ATP9B: variants seen among roughly 807,000 people sequenced by gnomAD.
ATP9B encodes probable phospholipid-transporting ATPase IIB.
ATP9B carries 110 observed loss-of-function variants against 146.1 expected under a neutral mutation model. That is an observed-to-expected ratio of 0.75 (90% confidence interval 0.65 to 0.88). The LOEUF (loss-of-function observed/expected upper bound fraction) is 0.88. Ranked by LOEUF, ATP9B falls within the 40% of genes least tolerant of loss-of-function variation. ATP9B has a pLI of 0.00. For synonymous variants in ATP9B, 604 were observed against 569.7 expected, an observed-to-expected ratio of 1.06 and a Z score of -0.86; for missense variants, 1,499 against 1,496.4, an observed-to-expected ratio of 1.00 and a Z score of -0.03.
At chr18:79,335,077 C>T (rs1280026994) in intron 17 of ATP9B, among the ~76,000 whole-genome samples, 1 of 151,908 alleles carries the variant, frequency 6.6e-6, no homozygotes, top group African/African-American at 2.4e-5. Flanking sequence ...TTTCACTTTG[C>T]ACACAAGGAA....
intron 6 of ATP9B, among the ~76,000 whole-genome samples, chr18:79,152,529 T>C (rs1274254553): frequency 6.6e-6 from 1 of 152,244 alleles, no homozygotes; most frequent in African/African-American, 2.4e-5. Context: ...TTAAGGTTAG[T>C]TTTTTAAGAC....
At chr18:79,326,650 T>C (rs2096748889) in intron 15 of ATP9B, among the ~76,000 whole-genome samples, 1 of 152,230 alleles carries the variant, frequency 6.6e-6, no homozygotes, top group Admixed American at 6.5e-5. Context: ...TGCCCTGCTG[T>C]GTCAAGTTCA....
intron 11 of ATP9B, among the ~76,000 whole-genome samples, chr18:79,242,427 T>C (rs1274597426): frequency 6.6e-6 from 1 of 152,236 alleles, no homozygotes; most frequent in Non-Finnish European, 1.5e-5. Context: ...TCAAATAGTT[T>C]ACAAAATGAA....
Position 79,214,004 on chromosome 18 carries a change from G to A in ATP9B, c.1073G>A (p.Arg358Gln), listed in dbSNP as rs200396916. Residue 358 changes from arginine (R) to glutamine (Q), a missense_variant, in exon 11 of 30, where the codon CGA becomes CAA. Physicochemically the swap from Arg to Gln is conservative, Grantham distance 43. Transcript: ENST00000426216. Reference sequence around the variant, plus strand: ...GTCATTTATACCGGAAAAGAGACTCGAAGTGTAATGAACACATCCAATCCA... The same window carrying A: ...GTCATTTATACCGGAAAAGAGACTCAAAGTGTAATGAACACATCCAATCCA... ...GVVIYTGKETRSVMNTSNPKN... is the reference protein window; with the variant it reads ...GVVIYTGKETQSVMNTSNPKN... 47 of 1,605,856 alleles carry A rather than the reference G, an allele frequency of 2.9e-5. No homozygotes were observed. The East Asian group carries it at 8.1e-4, about 28-fold the overall frequency.
intron 11 of ATP9B, among the ~76,000 whole-genome samples, chr18:79,249,431 C>G (rs1253680487): frequency 1.3e-5 from 2 of 152,090 alleles, no homozygotes; most frequent in African/African-American, 4.8e-5. Flanking sequence ...AGAAAATTTG[C>G]TTTACTAATA....
intron 10 of ATP9B, among the ~76,000 whole-genome samples, chr18:79,208,711 A>T (rs895965450): frequency 1.3e-5 from 2 of 152,160 alleles, no homozygotes; most frequent in African/African-American, 4.8e-5. Flanking sequence ...AATTACATCT[A>T]TATATAAATG....
rs200431802 is a variant in ATP9B at position 79,126,315 on chromosome 18, C to T, written c.607C>T (p.Arg203Trp). 1.7e-4 allele frequency: 273 copies of T among 1,611,658 alleles called. 1 individual carries two copies. The East Asian group carries it at 4.5e-3, about 27-fold the overall frequency. ...TMTREAIDEF[R>W]RFQRDKEVNS... is the part of the protein sequence containing the mutation. ...GACACGGGAAGCAATTGATGAATTT[C>T]GGCGTTTTCAGCGTGACAAGGAAGT... The change falls in exon 5 of 30, where the codon CGG becomes TGG. Residue 203 changes from arginine to tryptophan, a missense_variant. Transcript: ENST00000426216.
At chr18:79,085,831 C>T (rs562039800) in intron 1 of ATP9B, 3 of 152,226 alleles carry the variant, frequency 2.0e-5, no homozygotes, top group African/African-American at 4.8e-5. Flanking sequence ...GAACAGATGT[C>T]TACTGTCTGA....
intron 20 of ATP9B, 52 bp from the exon 21 acceptor site, chr18:79,344,213 C>T: frequency 6.6e-7 from 1 of 1,510,082 alleles, no homozygotes. Context: ...TTCTCTGTGC[C>T]TGTAACTTAG....
intron 2 of ATP9B, among the ~76,000 whole-genome samples, chr18:79,100,735 G>A (rs1418882802): frequency 1.3e-5 from 2 of 152,194 alleles, no homozygotes; most frequent in South Asian, 2.1e-4. Flanking sequence ...AAGAGGTTCA[G>A]TTAGACTCAC....
chr18:79,118,401 T>TTG (rs1568213586), intron 4 of ATP9B, among the ~76,000 whole-genome samples: 12 of 130,174 alleles, frequency 9.2e-5, no homozygotes, highest in Non-Finnish European at 1.5e-4. Context: ...TTTTTTTTTT[T>TTG]TTTTTTTTTT....
chr18:79,289,784 G>T (rs1204153081), intron 13 of ATP9B, among the ~76,000 whole-genome samples: 1 of 152,178 alleles, frequency 6.6e-6, no homozygotes, highest in Non-Finnish European at 1.5e-5. Flanking sequence ...GTACAGATTA[G>T]TTTTTGGTGT....
chr18:79,240,719 C>G (rs1206257939), intron 11 of ATP9B, among the ~76,000 whole-genome samples: 1 of 152,242 alleles, frequency 6.6e-6, no homozygotes, highest in Non-Finnish European at 1.5e-5. Context: ...TTACTGCAAC[C>G]TGGGCAACAA....
At chr18:79,213,397 C>A (rs1000513314) in intron 10 of ATP9B, among the ~76,000 whole-genome samples, 6 of 151,874 alleles carry the variant, frequency 4.0e-5, no homozygotes, top group Non-Finnish European at 8.8e-5. Context: ...ATCTTTTTGA[C>A]GTGTAAAAGA....
At chr18:79,185,801 G>C (rs764692321) in intron 8 of ATP9B, among the ~76,000 whole-genome samples, 1 of 91,838 alleles carries the variant, frequency 1.1e-5, no homozygotes, top group Non-Finnish European at 2.4e-5. Context: ...TGTGTTGTGA[G>C]CTGTTTGTTG....
chr18:79,195,531 A>G (rs1461552117), intron 9 of ATP9B, among the ~76,000 whole-genome samples: 1 of 152,268 alleles, frequency 6.6e-6, no homozygotes, highest in East Asian at 1.9e-4. Flanking sequence ...TAACAGTGCA[A>G]CAAGCCTGAT....
intron 11 of ATP9B, among the ~76,000 whole-genome samples, chr18:79,248,579 T>C (rs565797596): frequency 1.3e-5 from 2 of 152,284 alleles, no homozygotes; most frequent in African/African-American, 4.8e-5. Context: ...GTGTTAACAG[T>C]TGTGTTTTTC....
At chr18:79,269,026 G>C (rs1017507484) in intron 12 of ATP9B, among the ~76,000 whole-genome samples, 2 of 152,150 alleles carry the variant, frequency 1.3e-5, no homozygotes, top group Admixed American at 6.5e-5. Context: ...CCTACATAAT[G>C]TGTTGAGGTA....
chr18:79,307,103 A>G lies in ATP9B; in HGVS notation c.1642A>G (p.Ile548Val). The G allele has an allele frequency of 6.2e-7, 1 of 1,614,238 alleles. No individual in the cohort carries two copies. The highest frequency in any genetic ancestry group is 8.5e-7 in the Non-Finnish European group (1 of 1,180,056). ...TCGAATCCATGAAGCCGTGAAAGCCATCGTGCTGTGTCACAACGTGACCCC... is the reference window on the plus strand; with the variant it reads ...TCGAATCCATGAAGCCGTGAAAGCCGTCGTGCTGTGTCACAACGTGACCCC... ...SSRIHEAVKAIVLCHNVTPVY... is the reference protein window; with the variant it reads ...SSRIHEAVKAVVLCHNVTPVY... Residue 548 changes from isoleucine (I) to valine (V), a missense_variant, in exon 15 of 30, where the codon ATC becomes GTC. Physicochemically the swap from Ile to Val is conservative, Grantham distance 29. Coordinates refer to ENST00000426216, the MANE Select transcript of ATP9B (RefSeq NM_198531.5).
Sources: gnomAD v4.1 joint callset for allele counts (sites outside exome capture counted in the v4.1 genomes callset) on GRCh38, gnomAD v4.1.1 for gene constraint, MANE v1.5 for transcripts, NCBI Gene and HGNC (gene_info 2026-07-23, HGNC 2026-07-21) for gene names.